Variants in CNTLN observed in about 807,000 individuals in gnomAD.
CNTLN encodes the protein centlein.
A neutral mutation model predicts 180.0 loss-of-function variants in CNTLN; 212 were observed. The ratio of observed to expected loss-of-function variants is 1.18; its 90% CI spans 1.05 to 1.32. The LOEUF is 1.32. Ranked by LOEUF, CNTLN falls within the 40% of genes most tolerant of loss-of-function variation. The probability of loss-of-function intolerance (pLI) is 0.00; values close to 1 mark genes in which losing one functional copy is unlikely to be tolerated. For missense variants in CNTLN, 2,095 were observed against 1,610.9 expected, an observed-to-expected ratio of 1.30 and a Z score of -5.14; for synonymous variants, 722 against 563.1, an observed-to-expected ratio of 1.28 and a Z score of -3.99.
chr9:17,301,691 A>G (rs1359118465), intron 7 of CNTLN: 12 of 962,082 alleles, frequency 1.2e-5, no homozygotes, highest in Middle Eastern at 5.3e-4. Flanking sequence ...CCTCAACTAG[A>G]CTCAATTTGA....
chr9:17,154,480 G>T (rs1246313680), intron 2 of CNTLN, among the ~76,000 whole-genome samples: 1 of 152,234 alleles, frequency 6.6e-6, no homozygotes, highest in Admixed American at 6.5e-5. Context: ...CTGCAGAGCA[G>T]CAAAGATTGC....
chr9:17,438,240 A>C (rs892537046), intron 18 of CNTLN, among the ~76,000 whole-genome samples: 1 of 152,108 alleles, frequency 6.6e-6, no homozygotes, highest in Non-Finnish European at 1.5e-5. Context: ...GGCTCGAGAG[A>C]CTAGAGATTG....
chr9:17,233,036 T>A (rs921543239), intron 3 of CNTLN, among the ~76,000 whole-genome samples: 33 of 152,152 alleles, frequency 2.2e-4, no homozygotes, highest in African/African-American at 7.0e-4. Flanking sequence ...TTACTGGATT[T>A]AAAAAAATTT....
At chr9:17,416,907 C>G (rs1397945205) in intron 18 of CNTLN, among the ~76,000 whole-genome samples, 2 of 151,492 alleles carry the variant, frequency 1.3e-5, no homozygotes, top group Non-Finnish European at 2.9e-5. Flanking sequence ...AGAAAACAAT[C>G]TTTCAATCAC....
rs566842296 is a variant in CNTLN at position 17,419,936 on chromosome 9, A to G, written c.3114+3747A>G. On this transcript the variant is annotated intron_variant, in intron 18 of 25. Coordinates refer to ENST00000380647, the MANE Select transcript of CNTLN (RefSeq NM_017738.4). ...GTATAGTTTTTTGTTTGTTTTTGAGACGGAGTCTCACTCTGTCACCCAGGC... is the reference window on the plus strand; with the variant it reads ...GTATAGTTTTTTGTTTGTTTTTGAGGCGGAGTCTCACTCTGTCACCCAGGC... 3.3e-5 allele frequency among the ~76,000 whole-genome samples: 5 copies of G among 152,234 alleles called. No individual in the cohort carries two copies. The East Asian group carries it at 9.7e-4, about 29-fold the overall frequency.
chr9:17,422,919 C>T (rs1191491587), intron 18 of CNTLN, among the ~76,000 whole-genome samples: 1 of 152,104 alleles, frequency 6.6e-6, no homozygotes, highest in Non-Finnish European at 1.5e-5. Context: ...GTCACTGAAG[C>T]CACAAATCCG....
intron 18 of CNTLN, among the ~76,000 whole-genome samples, chr9:17,416,905 A>G (rs946114939): frequency 6.6e-6 from 1 of 151,428 alleles, no homozygotes; most frequent in Non-Finnish European, 1.5e-5. Flanking sequence ...TTAGAAAACA[A>G]TCTTTCAATC....
At chr9:17,254,851 G>A (rs368462503) in intron 5 of CNTLN, among the ~76,000 whole-genome samples, 5 of 151,662 alleles carry the variant, frequency 3.3e-5, no homozygotes, top group African/African-American at 1.2e-4. Flanking sequence ...GATAAAGAGT[G>A]CATTAAATCT....
At chr9:17,205,275 T>C (rs780451927) in intron 2 of CNTLN, among the ~76,000 whole-genome samples, 1 of 152,158 alleles carries the variant, frequency 6.6e-6, no homozygotes, top group Non-Finnish European at 1.5e-5. Context: ...CTTTATCCCA[T>C]GTAAATGGCA....
Position 17,366,683 on chromosome 9 carries a change from A to G in CNTLN, c.1953A>G (p.Gln651=). The change falls in exon 13 of 26, where the codon CAA becomes CAG. Residue 651 remains glutamine, a synonymous_variant. Transcript: ENST00000380647. Reference sequence around the variant, plus strand: ...TATCTATTGATAAGGCAGCAATACAAGAATTGAATAGATGTGTGGCAGAGA... The same window carrying G: ...TATCTATTGATAAGGCAGCAATACAGGAATTGAATAGATGTGTGGCAGAGA... ...VHISIDKAAI[Q]ELNRCVAERR... 6.3e-7 allele frequency: 1 copy of G among 1,585,338 alleles called. No individual in the cohort carries two copies. The highest frequency in any genetic ancestry group is 8.6e-7 in the Non-Finnish European group (1 of 1,160,590).
the CNTLN span, among the ~76,000 whole-genome samples, chr9:17,514,533 T>C: frequency 6.6e-6 from 1 of 152,236 alleles, no homozygotes; most frequent in East Asian, 1.9e-4. Flanking sequence ...ATAGGCTGAA[T>C]AACAAAATCA....
chr9:17,274,687 T>C (rs1298444193), intron 6 of CNTLN, among the ~76,000 whole-genome samples: 1 of 152,118 alleles, frequency 6.6e-6, no homozygotes, highest in Non-Finnish European at 1.5e-5. Context: ...AACTAAGTGA[T>C]AAATAAATGA....
chr9:17,517,693 C>G, the CNTLN span, among the ~76,000 whole-genome samples: 7 of 152,096 alleles, frequency 4.6e-5, no homozygotes, highest in African/African-American at 1.4e-4. Flanking sequence ...TTCTCTCCAG[C>G]AAGGCCATTG....
In CNTLN at chr9:17,394,858, G is replaced by T. The variant is rs1223123799; in HGVS notation, c.2404G>T (p.Ala802Ser). Residue 802 changes from alanine to serine, a missense_variant, in exon 15 of 26, where the codon GCA becomes TCA. By Grantham distance (99) the Ala-to-Ser change is moderately conservative. Coordinates refer to ENST00000380647, the MANE Select transcript of CNTLN (RefSeq NM_017738.4). ...INPMEKSHQS[A>S]DRAKSEMATM... The stretch of plus-strand genomic sequence containing the variant: ...CCCAATGGAGAAATCACACCAGTCA[G>T]CAGACAGAGCTAAATCCGAGATGGC... 3 of 1,613,968 alleles carry T rather than the reference G, an allele frequency of 1.9e-6. No homozygotes were observed. The highest frequency in any genetic ancestry group is 2.5e-6 in the Non-Finnish European group (3 of 1,179,940).
chr9:17,245,761 G>A (rs547165455), intron 5 of CNTLN, among the ~76,000 whole-genome samples: 1 of 151,678 alleles, frequency 6.6e-6, no homozygotes, highest in African/African-American at 2.4e-5. Flanking sequence ...CTCTAACTGT[G>A]TATTTTCAAA....
intron 13 of CNTLN, among the ~76,000 whole-genome samples, chr9:17,387,335 T>TA (rs1167065033): frequency 6.6e-6 from 1 of 152,200 alleles, no homozygotes; most frequent in African/African-American, 2.4e-5. Context: ...GTCCCCTTTT[T>TA]ATTCCTTAAG....
At chr9:17,370,315 G>T (rs890377048) in intron 13 of CNTLN, among the ~76,000 whole-genome samples, 2 of 152,138 alleles carry the variant, frequency 1.3e-5, no homozygotes, top group African/African-American at 4.8e-5. Flanking sequence ...CAAGAGAAAA[G>T]AAACAAATAA....
intron 5 of CNTLN, among the ~76,000 whole-genome samples, chr9:17,266,623 G>T (rs534665592): frequency 1.3e-5 from 2 of 152,060 alleles, no homozygotes; most frequent in Non-Finnish European, 2.9e-5. Flanking sequence ...GATCTGTTTA[G>T]TGTTGACGGT....
intron 5 of CNTLN, among the ~76,000 whole-genome samples, chr9:17,264,595 C>T (rs371704538): frequency 1.3e-5 from 2 of 151,706 alleles, no homozygotes; most frequent in South Asian, 2.1e-4. Flanking sequence ...TCATTGGTAG[C>T]TTGATGGGGA....
Sources: allele counts gnomAD v4.1 joint callset (sites outside exome capture counted in the v4.1 genomes callset), GRCh38; gene constraint gnomAD v4.1.1; transcripts MANE v1.5; gene names NCBI Gene and HGNC (gene_info 2026-07-23, HGNC 2026-07-21).